GABRG3: variants seen among roughly 807,000 people sequenced by gnomAD.
GABRG3 encodes gamma-aminobutyric acid receptor subunit gamma-3.
Under a neutral mutation model 48.8 loss-of-function variants are expected in GABRG3, and 25 were observed. The ratio of observed to expected loss-of-function variants is 0.51; its 90% confidence interval spans 0.37 to 0.72. GABRG3 has a LOEUF of 0.72. GABRG3 is among the 30% of genes least tolerant of loss of function. GABRG3 has a pLI of 0.00. For missense variants in GABRG3, 394 were observed against 577.9 expected, an observed-to-expected ratio of 0.68 and a Z score of 3.26; for synonymous variants, 227 against 217.6, an observed-to-expected ratio of 1.04 and a Z score of -0.38.
At chr15:27,522,064 A>G (rs984415651) in intron 7 of GABRG3, among the ~76,000 whole-genome samples, 7 of 152,012 alleles carry the variant, frequency 4.6e-5, no homozygotes, top group Non-Finnish European at 1.0e-4. Flanking sequence ...GAAGAAAACC[A>G]TCATAGTCCA....
intron 6 of GABRG3, among the ~76,000 whole-genome samples, chr15:27,484,117 G>A (rs757690672): frequency 3.3e-5 from 5 of 152,050 alleles, no homozygotes. Context: ...TGTATTTTTA[G>A]TAGAGACGCA....
chr15:27,506,044 C>T (rs373375159), intron 6 of GABRG3, among the ~76,000 whole-genome samples: 355 of 152,266 alleles, frequency 2.3e-3, no homozygotes, highest in African/African-American at 8.2e-3. Context: ...TAGTGTTATG[C>T]ATTCAGCATT....
intron 3 of GABRG3, among the ~76,000 whole-genome samples, chr15:27,245,410 A>G (rs1219984117): frequency 1.3e-5 from 2 of 152,232 alleles, no homozygotes; most frequent in African/African-American, 4.8e-5. Context: ...GATAAATGGT[A>G]TGAGTTATAT....
intron 3 of GABRG3, among the ~76,000 whole-genome samples, chr15:27,108,439 T>G (rs28828786): frequency 0.25 from 37,298 of 152,068 alleles, 5,131 homozygotes; most frequent in East Asian, 0.38. Context: ...TGTAAGTGTG[T>G]TAAGATGTAC....
intron 5 of GABRG3, among the ~76,000 whole-genome samples, chr15:27,464,637 G>A (rs2150837224): frequency 6.6e-6 from 1 of 152,212 alleles, no homozygotes; most frequent in South Asian, 2.1e-4. Context: ...GTACTTCCTT[G>A]TTAAAATCCT....
At chr15:27,492,123 T>C (rs1278420072) in intron 6 of GABRG3, among the ~76,000 whole-genome samples, 2 of 152,166 alleles carry the variant, frequency 1.3e-5, no homozygotes, top group Admixed American at 1.3e-4. Flanking sequence ...ATTAGCCCAT[T>C]TGTCAGGACT....
chr15:27,119,588 G>A (rs1897697642), intron 3 of GABRG3, among the ~76,000 whole-genome samples: 1 of 152,174 alleles, frequency 6.6e-6, no homozygotes, highest in Admixed American at 6.5e-5. Context: ...TGAGTTCTTT[G>A]GTTAAGGTCT....
At chr15:27,132,687 T>G (rs762832611) in intron 3 of GABRG3, among the ~76,000 whole-genome samples, 1 of 151,498 alleles carries the variant, frequency 6.6e-6, no homozygotes, top group African/African-American at 2.4e-5. Context: ...TTTAGTTACA[T>G]GCATTTTCTT....
chr15:27,081,269 C>T (rs1344578822), intron 3 of GABRG3, among the ~76,000 whole-genome samples: 1 of 152,136 alleles, frequency 6.6e-6, no homozygotes, highest in Non-Finnish European at 1.5e-5. Flanking sequence ...TAGATACATA[C>T]TGATAGAACT....
chr15:27,503,700 T>C (rs1890696912), intron 6 of GABRG3, among the ~76,000 whole-genome samples: 1 of 152,220 alleles, frequency 6.6e-6, no homozygotes, highest in Admixed American at 6.5e-5. Context: ...TGATTGCTAG[T>C]GTTGTTCAAA....
At chr15:26,994,204 A>G (rs1011713875) in intron 2 of GABRG3, among the ~76,000 whole-genome samples, 1 of 151,678 alleles carries the variant, frequency 6.6e-6, no homozygotes, top group African/African-American at 2.4e-5. Context: ...ATTTACATTC[A>G]ATGTGATTAT....
chr15:27,388,815 G>C (rs1896130762), intron 5 of GABRG3, among the ~76,000 whole-genome samples: 1 of 152,108 alleles, frequency 6.6e-6, no homozygotes, highest in African/African-American at 2.4e-5. Context: ...GTCTGCCTGT[G>C]AGTTAAGACC....
At chr15:27,429,406 T>C (rs1378793767) in intron 5 of GABRG3, among the ~76,000 whole-genome samples, 1 of 152,180 alleles carries the variant, frequency 6.6e-6, no homozygotes, top group Non-Finnish European at 1.5e-5. Flanking sequence ...GGTGACTCAT[T>C]TTCAAGTCAC....
chr15:27,423,148 A>G (rs1387093716), intron 5 of GABRG3, among the ~76,000 whole-genome samples: 1 of 150,886 alleles, frequency 6.6e-6, no homozygotes, highest in Non-Finnish European at 1.5e-5. Context: ...AGTGTACATC[A>G]TCAAGAGTTA....
intron 3 of GABRG3, among the ~76,000 whole-genome samples, chr15:27,184,990 T>C (rs1237848937): frequency 6.6e-6 from 1 of 152,180 alleles, no homozygotes; most frequent in Non-Finnish European, 1.5e-5. Flanking sequence ...CAGCATTTTG[T>C]TTCCTTGATT....
At chr15:27,461,362 C>T (rs1329755207) in intron 5 of GABRG3, among the ~76,000 whole-genome samples, 1 of 152,158 alleles carries the variant, frequency 6.6e-6, no homozygotes, top group Non-Finnish European at 1.5e-5. Flanking sequence ...TCTGATAGTG[C>T]TGCATTCCGT....
At chr15:26,972,138 G>C (rs952795030) in intron 1 of GABRG3, among the ~76,000 whole-genome samples, 1 of 151,980 alleles carries the variant, frequency 6.6e-6, no homozygotes, top group Non-Finnish European at 1.5e-5. Flanking sequence ...CCCCTCCCAG[G>C]TCCTGCAAAC....
At chr15:27,466,563 C>A (rs1262444598) in intron 5 of GABRG3, among the ~76,000 whole-genome samples, 2 of 152,188 alleles carry the variant, frequency 1.3e-5, no homozygotes, top group Admixed American at 6.5e-5. Context: ...CTAAACATTT[C>A]TCAAAGTAGG....
intron 5 of GABRG3, among the ~76,000 whole-genome samples, chr15:27,336,523 G>A (rs1230142137): frequency 6.6e-6 from 1 of 152,120 alleles, no homozygotes; most frequent in African/African-American, 2.4e-5. Flanking sequence ...AAAATAGTGG[G>A]AACATCAAAT....
Sources: allele counts gnomAD v4.1 joint callset (sites outside exome capture counted in the v4.1 genomes callset), GRCh38; gene constraint gnomAD v4.1.1; transcripts MANE v1.5; gene names NCBI Gene and HGNC (gene_info 2026-07-23, HGNC 2026-07-21).